The following PRKCE variants were observed in gnomAD, a reference collection of about 807,000 sequenced individuals.
PRKCE encodes the protein protein kinase C epsilon.
In PRKCE, 16 loss-of-function variants were observed where a neutral mutation model predicts 85.4. The observed-to-expected ratio is 0.19, with a 90% CI of 0.13 to 0.28. The LOEUF is 0.28. Ranked by LOEUF, PRKCE falls within the 10% of genes least tolerant of loss-of-function variation. The probability of loss-of-function intolerance (pLI) is 1.00; values close to 1 mark genes in which losing one functional copy is unlikely to be tolerated. For missense variants in PRKCE, 573 were observed against 975.2 expected (o/e 0.59, Z 5.49); for synonymous variants, 388 against 371.5 (o/e 1.04, Z -0.51).
chr2:45,713,174 A>G (rs1679810793), intron 1 of PRKCE, among the ~76,000 whole-genome samples: 1 of 152,148 alleles, frequency 6.6e-6, no homozygotes, highest in Admixed American at 6.5e-5. Context: ...ATAAAGGTGA[A>G]GTGGATGCTT....
At chr2:45,671,384 G>A (rs767077421) in intron 1 of PRKCE, among the ~76,000 whole-genome samples, 3 of 152,178 alleles carry the variant, frequency 2.0e-5, no homozygotes, top group Non-Finnish European at 4.4e-5. Context: ...ACATGCACGG[G>A]TATATAGTCT....
chr2:45,877,708 T>A (rs1484233843), intron 2 of PRKCE, among the ~76,000 whole-genome samples: 6 of 151,862 alleles, frequency 4.0e-5, no homozygotes, highest in Non-Finnish European at 7.4e-5. Flanking sequence ...ACACCTGAAG[T>A]CTTTTGTTGT....
At chr2:45,956,385 A>T (rs1438806212) in intron 2 of PRKCE, among the ~76,000 whole-genome samples, 1 of 152,124 alleles carries the variant, frequency 6.6e-6, no homozygotes, top group East Asian at 1.9e-4. Context: ...GTTTTATTTT[A>T]TAAGAACCTG....
chr2:45,839,874 A>G (rs1691205919), intron 1 of PRKCE, among the ~76,000 whole-genome samples: 1 of 152,236 alleles, frequency 6.6e-6, no homozygotes, highest in African/African-American at 2.4e-5. Flanking sequence ...TGCTTTTGGC[A>G]TGTTTAATAG....
chr2:46,179,435 G>T (rs1047870916), intron 14 of PRKCE, among the ~76,000 whole-genome samples: 4 of 152,108 alleles, frequency 2.6e-5, no homozygotes, highest in Non-Finnish European at 5.9e-5. Flanking sequence ...GTCTCTGAGA[G>T]GGATCTGGAC....
intron 10 of PRKCE, among the ~76,000 whole-genome samples, chr2:46,031,625 T>A (rs1278546043): frequency 1.4e-5 from 2 of 143,170 alleles, no homozygotes; most frequent in African/African-American, 5.5e-5. Context: ...TGTGTGTGTG[T>A]GTGTGTGTGT....
chr2:45,680,619 C>T (rs1402769016), intron 1 of PRKCE, among the ~76,000 whole-genome samples: 1 of 152,198 alleles, frequency 6.6e-6, no homozygotes, highest in Non-Finnish European at 1.5e-5. Flanking sequence ...GGCTAAAACT[C>T]ACAGACTCTC....
intron 1 of PRKCE, among the ~76,000 whole-genome samples, chr2:45,730,455 ATTT>A (rs56947431): frequency 7.8e-5 from 10 of 128,512 alleles, no homozygotes; most frequent in African/African-American, 2.6e-4. Context: ...ACCAGTTGTA[ATTT>A]TTTTTTTTTT....
At chr2:46,141,979 A>T (rs1211553906) in intron 11 of PRKCE, among the ~76,000 whole-genome samples, 2 of 152,206 alleles carry the variant, frequency 1.3e-5, no homozygotes, top group Non-Finnish European at 2.9e-5. Context: ...CCTCCTGCCC[A>T]GTAAGGTCTA....
intron 13 of PRKCE, 94 bp downstream of exon 13, chr2:46,151,323 A>ACACACACACC: frequency 2.0e-6 from 2 of 998,760 alleles, no homozygotes; most frequent in Non-Finnish European, 2.8e-6. Flanking sequence ...ACACACACAC[A>ACACACACACC]CTCCCTTCTC....
chr2:45,765,604 C>T (rs1684849011), intron 1 of PRKCE, among the ~76,000 whole-genome samples: 1 of 152,244 alleles, frequency 6.6e-6, no homozygotes, highest in African/African-American at 2.4e-5. Flanking sequence ...CTTCTTTCTT[C>T]CTCTTCCCCT....
intron 2 of PRKCE, among the ~76,000 whole-genome samples, chr2:45,946,458 A>T (rs574233268): frequency 6.6e-6 from 1 of 152,162 alleles, no homozygotes; most frequent in African/African-American, 2.4e-5. Context: ...ACATCTGTCT[A>T]TTTGATGGGA....
intron 1 of PRKCE, among the ~76,000 whole-genome samples, chr2:45,741,991 G>A (rs1480505646): frequency 6.6e-6 from 1 of 152,328 alleles, no homozygotes; most frequent in African/African-American, 2.4e-5. Flanking sequence ...GGCAGGCTGT[G>A]GTTAGAGTGT....
Position 45,976,370 on chromosome 2 carries a change from C to T in PRKCE, c.413-59C>T, listed in dbSNP as rs1048312996. The T allele has an allele frequency of 7.8e-5, 122 of 1,558,652 alleles. No individual in the cohort carries two copies. In the African/African-American group the frequency reaches 1.5e-3, roughly 20 times the overall value. On this transcript the variant is annotated intron_variant, in intron 2 of 14. Transcript: ENST00000306156. ...ATGGAGTAGCTCTCCAGAGGGAGCT[C>T]ATTTTGAAGGTGCACTAACCCAGAC... is the stretch of plus-strand genomic sequence containing the variant.
At chr2:46,090,780 G>T (rs1057494320) in intron 11 of PRKCE, among the ~76,000 whole-genome samples, 1 of 148,654 alleles carries the variant, frequency 6.7e-6, no homozygotes, top group Admixed American at 6.7e-5. Context: ...ATATGAGGTT[G>T]ATGGAGAAGC....
chr2:45,882,934 G>C (rs1192406733), intron 2 of PRKCE, among the ~76,000 whole-genome samples: 1 of 152,260 alleles, frequency 6.6e-6, no homozygotes, highest in Admixed American at 6.5e-5. Flanking sequence ...CTTCGGAAAT[G>C]CAAAGGCTTG....
chr2:46,177,969 A>G (rs943325201), intron 14 of PRKCE, among the ~76,000 whole-genome samples: 1 of 151,936 alleles, frequency 6.6e-6, no homozygotes, highest in African/African-American at 2.4e-5. Context: ...TATGGATTTA[A>G]AAAAAAATGG....
At chr2:45,852,710 G>C (rs1019830956) in intron 2 of PRKCE, among the ~76,000 whole-genome samples, 8 of 152,228 alleles carry the variant, frequency 5.3e-5, no homozygotes, top group Admixed American at 2.0e-4. Flanking sequence ...CTGGAAGGGG[G>C]AAGTGGGAGA....
chr2:46,013,188 T>C (rs2104816475), intron 10 of PRKCE, among the ~76,000 whole-genome samples: 1 of 152,336 alleles, frequency 6.6e-6, no homozygotes. Flanking sequence ...AACCTTCAAC[T>C]TAACTTTTTA....
Sources: gnomAD v4.1 joint callset for allele counts (sites outside exome capture counted in the v4.1 genomes callset) on GRCh38, gnomAD v4.1.1 for gene constraint, MANE v1.5 for transcripts, NCBI Gene and HGNC (gene_info 2026-07-23, HGNC 2026-07-21) for gene names.